Variants in QRSL1 observed in about 807,000 individuals in gnomAD.
QRSL1 encodes glutamyl-tRNA(Gln) amidotransferase subunit A, mitochondrial.
QRSL1 carries 54 observed loss-of-function variants against 61.6 expected under a neutral mutation model. The observed-to-expected ratio is 0.88, with a 90% CI of 0.70 to 1.10. The LOEUF is 1.10. QRSL1 is among the 50% of genes least tolerant of loss of function. The pLI is 0.00. For missense variants in QRSL1, 505 were observed against 622.6 expected, an observed-to-expected ratio of 0.81 and a Z score of 2.01; for synonymous variants, 228 against 225.7, an observed-to-expected ratio of 1.01 and a Z score of -0.09.
At chr6:106,646,575 A>C (rs1322356553) in intron 4 of QRSL1, among the ~76,000 whole-genome samples, 1 of 151,978 alleles carries the variant, frequency 6.6e-6, no homozygotes, top group East Asian at 1.9e-4. Flanking sequence ...AGGCAGTAGG[A>C]TTGCTTGAGC....
chr6:106,645,884 T>G (rs1220015722), intron 4 of QRSL1, among the ~76,000 whole-genome samples: 1 of 152,244 alleles, frequency 6.6e-6, no homozygotes, highest in Admixed American at 6.5e-5. Context: ...TGTGGAATAT[T>G]TTATGTAGCA....
chr6:106,633,948 TA>T (rs68193824), intron 1 of QRSL1, among the ~76,000 whole-genome samples: 52,224 of 144,954 alleles, frequency 0.36, 10,973 homozygotes, highest in East Asian at 0.64. Context: ...TTAAACACTT[TA>T]AAAAAAAAAA....
At chr6:106,635,276 G>C (rs1287296299) in intron 1 of QRSL1, among the ~76,000 whole-genome samples, 2 of 152,198 alleles carry the variant, frequency 1.3e-5, no homozygotes, top group East Asian at 1.9e-4. Context: ...AGAATGCCCA[G>C]TGAGACAGGA....
intron 5 of QRSL1, 97 bp downstream of exon 5, chr6:106,649,298 T>A: frequency 7.8e-7 from 1 of 1,274,284 alleles, no homozygotes; most frequent in Non-Finnish European, 1.1e-6. Flanking sequence ...CCTGGTATTT[T>A]TCTTTCTAGT....
chr6:106,637,466 A>C (rs1388125340), intron 1 of QRSL1, among the ~76,000 whole-genome samples: 2 of 151,644 alleles, frequency 1.3e-5, no homozygotes, highest in African/African-American at 4.9e-5. Context: ...CAATGAATGA[A>C]AAGTAGTACC....
chr6:106,660,376 A>G (rs1482277434), intron 9 of QRSL1, among the ~76,000 whole-genome samples: 2 of 146,222 alleles, frequency 1.4e-5, no homozygotes, highest in African/African-American at 5.1e-5. Context: ...TTGTAGAGAC[A>G]GGATCTCCCT....
chr6:106,643,628 C>G (rs971911711), intron 4 of QRSL1, among the ~76,000 whole-genome samples: 1 of 150,544 alleles, frequency 6.6e-6, no homozygotes, highest in Non-Finnish European at 1.5e-5. Flanking sequence ...TGCAGTGAGC[C>G]GAGATCGCGC....
intron 3 of QRSL1, chr6:106,642,604 A>G: frequency 1.3e-6 from 1 of 757,260 alleles, no homozygotes; most frequent in Non-Finnish European, 2.4e-6. Context: ...TTCAAAAAGG[A>G]ATGCCCCACA....
In QRSL1 at chr6:106,639,116, G is replaced by GTTTTTTTTTTTTT. The variant is rs1554200732; in HGVS notation, c.25-1231_25-1230insTTTTTTTTTTTTT. 3.6e-3 allele frequency among the ~76,000 whole-genome samples: 196 copies of GTTTTTTTTTTTTT among 54,318 alleles called. 15 individuals carry two copies. The highest frequency in any genetic ancestry group is 0.015 in the East Asian group (38 of 2,514). 35.6% of individuals were successfully genotyped at this position (54,318 alleles called of 152,430 possible). A position where few individuals can be genotyped will look rare whatever the true frequency, so the allele number is the denominator to read the frequency against. On this transcript the variant is annotated intron_variant, in intron 1 of 10. Transcript: ENST00000369046. ...ACTTGTGTGGTTATTTGTGTGTTTTGTTGTTTTTTTTTTTTTTTTTTTTTT... is the reference window on the plus strand; with the variant it reads ...ACTTGTGTGGTTATTTGTGTGTTTTGTTTTTTTTTTTTTTTGTTTTTTTTTTTTTTTTTTTTTT...
rs757157106 is a variant in QRSL1, at chr6:106,663,110, T to C, written c.1291T>C (p.Leu431=). Reference sequence around the variant, plus strand: ...CACCTTGAGTGAGGCAGTACCATACTTGGAGTTCATCAAAGAGGACAACAG... The same window carrying C: ...CACCTTGAGTGAGGCAGTACCATACCTGGAGTTCATCAAAGAGGACAACAG... The part of the protein sequence containing the change: ...PTTLSEAVPY[L]EFIKEDNRTR... The change falls in exon 10 of 11, where the codon TTG becomes CTG. Residue 431 remains leucine (L), a synonymous_variant. Transcript: ENST00000369046. 6.2e-7 allele frequency: 1 copy of C among 1,614,182 alleles called. No homozygotes were observed. Among genetic ancestry groups the C allele is most frequent in the Non-Finnish European group, 8.5e-7 (1 of 1,180,004 alleles).
At chr6:106,649,304 C>T in intron 5 of QRSL1, 103 bp downstream of exon 5, 2 of 1,196,456 alleles carry the variant, frequency 1.7e-6, no homozygotes, top group Non-Finnish European at 2.3e-6. Flanking sequence ...ATTTTTCTTT[C>T]TAGTGAGCTA....
chr6:106,666,419 A>G lies in QRSL1; in HGVS notation c.*417A>G, dbSNP rs1251656072. 1 of 86,714 alleles carries G rather than the reference A, an allele frequency of 1.2e-5. No homozygotes were observed. Among genetic ancestry groups the G allele is most frequent in the African/African-American group, 4.7e-5 (1 of 21,180 alleles). 5.4% of individuals were successfully genotyped at this position (86,714 alleles called of 1,614,324 possible). On this transcript the variant is annotated 3_prime_UTR_variant, in exon 11 of 11. Coordinates refer to ENST00000369046, the MANE Select transcript of QRSL1 (RefSeq NM_018292.5). ...CTTGTAATTAGGTTCTTGTTAATACAGTCATTCCATGGAATTACTTTTTAA... is the reference window on the plus strand; with the variant it reads ...CTTGTAATTAGGTTCTTGTTAATACGGTCATTCCATGGAATTACTTTTTAA...
rs1251509306 is a variant in QRSL1 at position 106,652,375 on chromosome 6, A to G, written c.724A>G (p.Ile242Val). 9 of 1,614,040 alleles carry G rather than the reference A, an allele frequency of 5.6e-6. No homozygotes were observed. The highest frequency in any genetic ancestry group is 7.6e-6 in the Non-Finnish European group (9 of 1,180,020). Residue 242 changes from isoleucine to valine, a missense_variant, in exon 6 of 11, where the codon ATT becomes GTT. Physicochemically the swap from Ile to Val is conservative, Grantham distance 29. Transcript: ENST00000369046. ...AACCAGATGTGTGGATGATGCAGCA[A>G]TTGTGTTGGGTATTTATATAATTCT... ...ILTRCVDDAA[I>V]VLGALAGPDP...
In QRSL1 at chr6:106,649,034, C is replaced by G. The variant is rs887401628; in HGVS notation, c.390C>G (p.Ser130Arg). 2 of 1,609,478 alleles carry G rather than the reference C, an allele frequency of 1.2e-6. No individual in the cohort carries two copies. Among genetic ancestry groups the G allele is most frequent in the South Asian group, 2.2e-5 (2 of 90,606 alleles). The change falls in exon 5 of 11, where the codon AGC becomes AGG. Residue 130 changes from serine (S) to arginine (R), a missense_variant. Transcript: ENST00000369046. The part of the protein sequence containing the change: ...NLDEFAMGSG[S>R]TDGVFGPVKN... ...TTCACTTCGTCATCAGATCTGGGAGCACAGATGGTGTATTTGGACCAGTTA... is the reference window on the plus strand; with the variant it reads ...TTCACTTCGTCATCAGATCTGGGAGGACAGATGGTGTATTTGGACCAGTTA...
intron 1 of QRSL1, among the ~76,000 whole-genome samples, chr6:106,639,835 G>C (rs542074436): frequency 6.6e-6 from 1 of 151,942 alleles, no homozygotes; most frequent in South Asian, 2.1e-4. Context: ...CTTTGCCTTT[G>C]AACCCGTATT....
intron 1 of QRSL1, among the ~76,000 whole-genome samples, chr6:106,634,335 G>A (rs1436729999): frequency 1.3e-5 from 2 of 152,196 alleles, no homozygotes; most frequent in African/African-American, 2.4e-5. Flanking sequence ...GCCACAGTAG[G>A]GAGTATGGAT....
In QRSL1 at chr6:106,666,456, C is replaced by T. The variant is rs1340245822; in HGVS notation, c.*454C>T. On this transcript the variant is annotated 3_prime_UTR_variant, in exon 11 of 11. Transcript: ENST00000369046. ...GAATTACTTTTTAAAATTCCTGTGA[C>T]AATTAATAATAAATAACGTGTCAGC... is the stretch of plus-strand genomic sequence containing the variant. 5.9e-6 allele frequency: 1 copy of T among 169,410 alleles called. No homozygotes were observed. 10.5% of individuals were successfully genotyped at this position (169,410 alleles called of 1,614,324 possible). A position where few individuals can be genotyped will look rare whatever the true frequency, so the allele number is the denominator to read the frequency against.
rs1299013824 is a variant in QRSL1, at chr6:106,629,623, C to T, written c.-59C>T. 5 of 1,565,452 alleles carry T rather than the reference C, an allele frequency of 3.2e-6. No homozygotes were observed. Among genetic ancestry groups the T allele is most frequent in the East Asian group, 2.4e-5 (1 of 42,204 alleles). ...GCGCCCATGTAACATCACTAGCGAC[C>T]GGTGACCTCTTTTTCCCCCTTGCCT... On this transcript the variant is annotated 5_prime_UTR_variant, in exon 1 of 11. Coordinates refer to ENST00000369046, the MANE Select transcript of QRSL1 (RefSeq NM_018292.5).
chr6:106,645,187 T>C (rs1042232718), intron 4 of QRSL1, among the ~76,000 whole-genome samples: 3 of 152,158 alleles, frequency 2.0e-5, no homozygotes, highest in Admixed American at 1.3e-4. Context: ...TTCAAAATCA[T>C]TTTACATAAT....
Sources: gnomAD v4.1 joint callset for allele counts (sites outside exome capture counted in the v4.1 genomes callset) on GRCh38, gnomAD v4.1.1 for gene constraint, MANE v1.5 for transcripts, NCBI Gene and HGNC (gene_info 2026-07-23, HGNC 2026-07-21) for gene names.